Variants in GALK2 observed in about 807,000 individuals in gnomAD.
GALK2 encodes the protein galactokinase 2.
A neutral mutation model predicts 52.4 loss-of-function variants in GALK2; 36 were observed. The observed-to-expected ratio is 0.69, with a 90% CI of 0.53 to 0.91. The LOEUF is 0.91. GALK2 is among the 40% of genes least tolerant of loss of function. The pLI, the probability that GALK2 is intolerant of heterozygous loss-of-function variation, is 0.00. For missense variants in GALK2, 579 were observed against 559.1 expected (o/e 1.04, Z -0.36); for synonymous variants, 176 against 199.1 (o/e 0.88, Z 0.98).
chr15:49,160,805 C>CGGAGGT (rs1431602183), intron 1 of GALK2, among the ~76,000 whole-genome samples: 24 of 151,524 alleles, frequency 1.6e-4, no homozygotes, highest in Non-Finnish European at 5.9e-5. Flanking sequence ...GAGGTGGAGG[C>CGGAGGT]GGAGGTTGCA....
chr15:49,262,601 C>T (rs201026543), intron 5 of GALK2, among the ~76,000 whole-genome samples: 1 of 151,748 alleles, frequency 6.6e-6, no homozygotes, highest in East Asian at 1.9e-4. Context: ...TATTTCTTGC[C>T]CTCTGCTAGC....
chr15:49,294,189 A>G (rs1567031361), intron 8 of GALK2, among the ~76,000 whole-genome samples: 1 of 151,392 alleles, frequency 6.6e-6, no homozygotes, highest in Non-Finnish European at 1.5e-5. Flanking sequence ...ATAAATAAGC[A>G]AGCAAGCAAG....
chr15:49,192,525 A>G (rs532258084), intron 1 of GALK2, among the ~76,000 whole-genome samples: 35 of 123,130 alleles, frequency 2.8e-4, no homozygotes, highest in African/African-American at 1.1e-3. Flanking sequence ...ATATATATAT[A>G]GTTGGAGGTG....
At chr15:49,283,062 C>T (rs2032920395) in intron 6 of GALK2, among the ~76,000 whole-genome samples, 1 of 152,164 alleles carries the variant, frequency 6.6e-6, no homozygotes, top group African/African-American at 2.4e-5. Context: ...TAAGCTCTAA[C>T]CAAATTTCCA....
intron 3 of GALK2, among the ~76,000 whole-genome samples, chr15:49,337,508 C>CTTTTTTTTTTT (rs33973907): frequency 5.5e-5 from 2 of 36,086 alleles, no homozygotes; most frequent in African/African-American, 1.2e-4. Flanking sequence ...CATTTACCCA[C>CTTTTTTTTTTT]TTTTTTTTTT....
At chr15:49,319,920 T>C (rs1189841515) in intron 9 of GALK2, 115 bp downstream of exon 9, 6 of 853,574 alleles carry the variant, frequency 7.0e-6, no homozygotes, top group South Asian at 3.4e-5. Flanking sequence ...CCACTTCCTA[T>C]ATGAGGAGTC....
At chr15:49,264,422 A>G (rs2092274376) in intron 5 of GALK2, among the ~76,000 whole-genome samples, 2 of 152,018 alleles carry the variant, frequency 1.3e-5, no homozygotes, top group Non-Finnish European at 2.9e-5. Context: ...CAGCTCCATC[A>G]GCTCCTTTAA....
intron 8 of GALK2, among the ~76,000 whole-genome samples, chr15:49,299,957 A>T (rs1023110616): frequency 6.6e-6 from 1 of 151,566 alleles, no homozygotes; most frequent in African/African-American, 2.4e-5. Flanking sequence ...GATATCTGTT[A>T]GGTCCATTTG....
At chr15:49,279,164 A>G (rs992324024) in intron 5 of GALK2, among the ~76,000 whole-genome samples, 3 of 152,198 alleles carry the variant, frequency 2.0e-5, no homozygotes, top group African/African-American at 4.8e-5. Context: ...CCATATCAGT[A>G]GGGTTGTGTG....
At chr15:49,276,362 AG>A (rs571611336) in intron 5 of GALK2, among the ~76,000 whole-genome samples, 20 of 152,200 alleles carry the variant, frequency 1.3e-4, no homozygotes, top group Non-Finnish European at 2.6e-4. Flanking sequence ...CTTAGCCATC[AG>A]GTAGAAATAT....
chr15:49,164,241 C>G (rs1352372823), intron 1 of GALK2, among the ~76,000 whole-genome samples: 1 of 151,866 alleles, frequency 6.6e-6, no homozygotes. Flanking sequence ...ATATGCCACC[C>G]CAAAATATGC....
At position 49,229,374 on chromosome 15, in the gene GALK2, G is replaced by T. The variant is rs953238385; in HGVS notation, c.267-6477G>T. Among the ~76,000 whole-genome samples, 4 of 152,164 alleles carry T rather than the reference G, an allele frequency of 2.6e-5. No homozygotes were observed. The East Asian group carries it at 7.7e-4, about 29-fold the overall frequency. On this transcript the variant is annotated intron_variant, in intron 3 of 9. Transcript: ENST00000560031. ...GGGTAGTTAGTGTCACCTGTGTGAT[G>T]GCAGTAGCAGTAGTAGAACAACCCT...
intron 9 of GALK2, among the ~76,000 whole-genome samples, chr15:49,323,827 G>T (rs1284976607): frequency 6.6e-6 from 1 of 152,062 alleles, no homozygotes; most frequent in East Asian, 1.9e-4. Context: ...GGAGCAGGGA[G>T]GATGAAGGAA....
intron 1 of GALK2, among the ~76,000 whole-genome samples, chr15:49,163,285 T>G (rs1405001914): frequency 6.6e-6 from 1 of 152,238 alleles, no homozygotes; most frequent in Non-Finnish European, 1.5e-5. Flanking sequence ...ATGTATCTTC[T>G]TTGGTGAAAT....
chr15:49,342,415 G>A lies in GALK2; in HGVS notation c.426+22610G>A, dbSNP rs150903832. On this transcript the variant is annotated intron_variant, in intron 3 of 3. Coordinates refer to the GALK2 transcript ENST00000558399. The stretch of plus-strand genomic sequence containing the variant: ...CCAGTCCTTTAATTTGAGCCTAGGG[G>A]TGGGTGTTGTTACTTGTAAAAAGGG... 1.9e-3 allele frequency among the ~76,000 whole-genome samples: 289 copies of A among 152,242 alleles called. 2 individuals carry two copies. Among genetic ancestry groups the A allele is most frequent in the African/African-American group, 6.4e-3 (268 of 41,552 alleles).
At chr15:49,357,107 C>T (rs1596475656) in intron 3 of GALK2, among the ~76,000 whole-genome samples, 1 of 150,958 alleles carries the variant, frequency 6.6e-6, no homozygotes, top group East Asian at 2.0e-4. Flanking sequence ...AAATTTATAG[C>T]ACTAAATGCC....
chr15:49,328,458 CTT>C lies in GALK2; in HGVS notation c.*300_*301del, dbSNP rs934945732. ...TTAAAGATGAATGGTAAAACACACT[CTT>C]AATACTGATTACATGGATTGGACTT... is the stretch of plus-strand genomic sequence containing the variant. On this transcript the variant is annotated 3_prime_UTR_variant, in exon 10 of 10. Coordinates refer to ENST00000560031, the MANE Select transcript of GALK2 (RefSeq NM_002044.4). The C allele has an allele frequency of 6.6e-5, 99 of 1,509,948 alleles. No individual in the cohort carries two copies. In the African/African-American group the frequency reaches 8.3e-4, roughly 13 times the overall value. The allele number at this position is 1,509,948 out of a possible 1,614,324, so 93.5% of individuals were successfully genotyped here.
chr15:49,171,578 CTTA>C (rs1301307666), intron 1 of GALK2, among the ~76,000 whole-genome samples: 2 of 152,130 alleles, frequency 1.3e-5, no homozygotes, highest in African/African-American at 2.4e-5. Flanking sequence ...AGCATGATTT[CTTA>C]TTATAGAGTC....
intron 7 of GALK2, among the ~76,000 whole-genome samples, chr15:49,289,915 T>G (rs2033767445): frequency 6.6e-6 from 1 of 152,186 alleles, no homozygotes; most frequent in African/African-American, 2.4e-5. Context: ...TGCTTTTTTG[T>G]CCACAGAGCA....
Sources: allele counts gnomAD v4.1 joint callset (sites outside exome capture counted in the v4.1 genomes callset), GRCh38; gene constraint gnomAD v4.1.1; transcripts MANE v1.5; gene names NCBI Gene and HGNC (gene_info 2026-07-23, HGNC 2026-07-21).